Variants in PTPRK observed in about 807,000 individuals in gnomAD.
PTPRK encodes the protein receptor-type tyrosine-protein phosphatase kappa.
Under a neutral mutation model 178.0 loss-of-function variants are expected in PTPRK, and 75 were observed. The observed-to-expected ratio is 0.42, with a 90% CI of 0.35 to 0.51. The LOEUF (loss-of-function observed/expected upper bound fraction) is 0.51, where lower values mean the gene tolerates loss of function less well. Ranked by LOEUF, PTPRK falls within the 20% of genes least tolerant of loss-of-function variation. PTPRK has a pLI of 0.02. For synonymous variants in PTPRK, 637 were observed against 620.6 expected (o/e 1.03, Z -0.39); for missense variants, 1,441 against 1,797.8 (o/e 0.80, Z 3.59).
intron 3 of PTPRK, among the ~76,000 whole-genome samples, chr6:128,314,261 G>A (rs529098050): frequency 7.9e-5 from 12 of 152,084 alleles, no homozygotes; most frequent in African/African-American, 2.4e-4. Context: ...TTATTTATCT[G>A]GATTTTCTCC....
intron 7 of PTPRK, among the ~76,000 whole-genome samples, chr6:128,158,471 C>T (rs1398225979): frequency 1.3e-5 from 2 of 151,932 alleles, no homozygotes; most frequent in Non-Finnish European, 2.9e-5. Context: ...GCTTCTCTGT[C>T]TAGTTCCTAC....
chr6:128,335,118 G>A (rs987235127), intron 2 of PTPRK, among the ~76,000 whole-genome samples: 6 of 151,890 alleles, frequency 4.0e-5, no homozygotes, highest in African/African-American at 1.2e-4. Flanking sequence ...CAAAAGAAAT[G>A]GTTAAGAATT....
intron 6 of PTPRK, among the ~76,000 whole-genome samples, chr6:128,202,191 T>C (rs951539413): frequency 1.3e-5 from 2 of 151,590 alleles, no homozygotes; most frequent in African/African-American, 2.4e-5. Context: ...CCACGGAAAA[T>C]GAAGAAAAGC....
At chr6:128,014,577 C>T (rs189073856) in intron 13 of PTPRK, among the ~76,000 whole-genome samples, 1 of 151,724 alleles carries the variant, frequency 6.6e-6, no homozygotes, top group East Asian at 1.9e-4. Flanking sequence ...GACGCTGCTG[C>T]TCTAGGTAGA....
chr6:128,366,961 T>C (rs1028688966), intron 2 of PTPRK, among the ~76,000 whole-genome samples: 1 of 152,130 alleles, frequency 6.6e-6, no homozygotes, highest in Non-Finnish European at 1.5e-5. Context: ...AGAAGATAGA[T>C]ATCTTCATAG....
intron 7 of PTPRK, among the ~76,000 whole-genome samples, chr6:128,112,303 T>C (rs192968560): frequency 3.9e-5 from 6 of 152,178 alleles, no homozygotes; most frequent in African/African-American, 1.4e-4. Context: ...TAGGTAAAAA[T>C]ATGTAAAAAC....
chr6:128,195,112 C>T (rs1197617516), intron 6 of PTPRK, among the ~76,000 whole-genome samples: 2 of 150,634 alleles, frequency 1.3e-5, no homozygotes, highest in Non-Finnish European at 2.9e-5. Flanking sequence ...TCTTCCACAT[C>T]TAGAATATAA....
chr6:128,191,942 C>A (rs1175142388), intron 6 of PTPRK, among the ~76,000 whole-genome samples: 1 of 152,170 alleles, frequency 6.6e-6, no homozygotes, highest in African/African-American at 2.4e-5. Flanking sequence ...TTTATTCACA[C>A]TGGCTTGACT....
chr6:128,205,312 C>T (rs79237826), intron 6 of PTPRK, among the ~76,000 whole-genome samples: 4 of 151,934 alleles, frequency 2.6e-5, no homozygotes, highest in African/African-American at 9.6e-5. Context: ...CTAATGGATT[C>T]TGAGCTTAAT....
intron 2 of PTPRK, among the ~76,000 whole-genome samples, chr6:128,365,810 T>A (rs1383890000): frequency 1.3e-5 from 2 of 152,140 alleles, no homozygotes; most frequent in African/African-American, 4.8e-5. Context: ...GAAAACCTGA[T>A]AAGACTGGTT....
chr6:128,191,234 C>T (rs1158235529), intron 6 of PTPRK, among the ~76,000 whole-genome samples: 1 of 152,124 alleles, frequency 6.6e-6, no homozygotes, highest in African/African-American at 2.4e-5. Flanking sequence ...TTATATTCAG[C>T]TAAACAGAGT....
At position 128,385,852 on chromosome 6, in the gene PTPRK, G is replaced by A. The variant is rs76599361; in HGVS notation, c.223+11714C>T. Among the ~76,000 whole-genome samples the A allele has an allele frequency of 1.4e-3, 208 of 152,280 alleles. 4 individuals carry two copies. In the East Asian group the frequency reaches 0.038, roughly 28 times the overall value. On this transcript the variant is annotated intron_variant, in intron 2 of 29. Coordinates refer to ENST00000368226, the MANE Select transcript of PTPRK (RefSeq NM_002844.4). ...CAAGCTTCAGAGCTGATATCACCTA[G>A]ACATCAGCCAGACTATACCAGGTTA...
chr6:128,405,474 A>G (rs1175081310), intron 1 of PTPRK, among the ~76,000 whole-genome samples: 2 of 152,194 alleles, frequency 1.3e-5, no homozygotes, highest in Non-Finnish European at 2.9e-5. Context: ...GGTCTTTTTC[A>G]CTTAGTGTTA....
chr6:128,133,219 G>T (rs943326361), intron 7 of PTPRK, among the ~76,000 whole-genome samples: 1 of 152,132 alleles, frequency 6.6e-6, no homozygotes, highest in African/African-American at 2.4e-5. Context: ...GTTTAGACAA[G>T]ATGAATAGAA....
intron 7 of PTPRK, among the ~76,000 whole-genome samples, chr6:128,160,071 A>G (rs969120721): frequency 5.9e-5 from 9 of 151,724 alleles, no homozygotes; most frequent in Admixed American, 1.3e-4. Context: ...GGCATTGGAA[A>G]GCTCACGTAA....
intron 2 of PTPRK, among the ~76,000 whole-genome samples, chr6:128,349,454 C>A (rs1203066073): frequency 6.6e-6 from 1 of 151,962 alleles, no homozygotes; most frequent in East Asian, 1.9e-4. Context: ...GCCTTATCTT[C>A]TCTTTTATTG....
At position 127,971,481 on chromosome 6, in the gene PTPRK, A is replaced by G. The variant is rs565990009; in HGVS notation, c.4270-1201T>C. Among the ~76,000 whole-genome samples the G allele has an allele frequency of 5.3e-5, 8 of 152,292 alleles. No homozygotes were observed. In the East Asian group the frequency reaches 1.5e-3, roughly 29 times the overall value. On this transcript the variant is annotated intron_variant, in intron 29 of 29. Coordinates refer to ENST00000368226, the MANE Select transcript of PTPRK (RefSeq NM_002844.4). Reference sequence around the variant, plus strand: ...ACCTACCACTGTGGCGAGTGCATTCAAGGAACCAAAATGTGCCTAGAAATA... The same window carrying G: ...ACCTACCACTGTGGCGAGTGCATTCGAGGAACCAAAATGTGCCTAGAAATA...
At chr6:128,435,855 G>C (rs1845521905) in intron 1 of PTPRK, among the ~76,000 whole-genome samples, 1 of 152,078 alleles carries the variant, frequency 6.6e-6, no homozygotes, top group African/African-American at 2.4e-5. Context: ...CATCAAAAGT[G>C]TTCTAATAAA....
At chr6:128,345,258 C>CT (rs948134928) in intron 2 of PTPRK, among the ~76,000 whole-genome samples, 10 of 151,738 alleles carry the variant, frequency 6.6e-5, no homozygotes, top group East Asian at 3.9e-4. Flanking sequence ...GAATATATAT[C>CT]TTTTTTTTGG....
Sources: gnomAD v4.1 joint callset for allele counts (sites outside exome capture counted in the v4.1 genomes callset) on GRCh38, gnomAD v4.1.1 for gene constraint, MANE v1.5 for transcripts, NCBI Gene and HGNC (gene_info 2026-07-23, HGNC 2026-07-21) for gene names.